RNF212B: variants seen among roughly 807,000 people sequenced by gnomAD.
The protein encoded by RNF212B is ring finger protein 212B.
In RNF212B, 52 loss-of-function variants were observed where a neutral mutation model predicts 55.5. The ratio of observed to expected loss-of-function variants is 0.94; its 90% CI spans 0.75 to 1.18. The LOEUF is 1.18. Among genes scored for constraint, RNF212B ranks in the 50% most tolerant of loss-of-function variants. The pLI is 0.00. For synonymous variants in RNF212B, 99 were observed against 121.4 expected (o/e 0.82, Z 1.21); for missense variants, 289 against 350.4 (o/e 0.82, Z 1.40).
chr14:23,230,977 T>C (rs185852778), intron 2 of RNF212B, among the ~76,000 whole-genome samples: 1 of 152,344 alleles, frequency 6.6e-6, no homozygotes. Flanking sequence ...TTGGTCTATA[T>C]ATGTCTATCC....
intron 4 of RNF212B, among the ~76,000 whole-genome samples, chr14:23,244,966 TAGA>T (rs1566425344): frequency 6.6e-6 from 1 of 152,312 alleles, no homozygotes; most frequent in South Asian, 2.1e-4. Context: ...AACAGGAATG[TAGA>T]AGAAGGTAGA....
rs1018181285 is a variant in RNF212B at position 23,262,523 on chromosome 14, T to C, written c.435-142T>C. ...ACTTTGCTTCCATATTTTAGGATGC[T>C]ACCTATAATACATGAGAGTAAGCAA... On this transcript the variant is annotated intron_variant, in intron 7 of 14. Coordinates refer to ENST00000430154, the MANE Select transcript of RNF212B (RefSeq NM_001282322.3). 3 of 687,440 alleles carry C rather than the reference T, an allele frequency of 4.4e-6. No homozygotes were observed. In the African/African-American group the frequency reaches 5.4e-5, roughly 12 times the overall value. 42.6% of individuals were successfully genotyped at this position (687,440 alleles called of 1,614,324 possible).
chr14:23,239,308 C>T (rs1406426019), intron 1 of RNF212B, among the ~76,000 whole-genome samples: 1 of 152,180 alleles, frequency 6.6e-6, no homozygotes, highest in African/African-American at 2.4e-5. Context: ...GATCCACCCA[C>T]CTCGGCCTCC....
At chr14:23,246,655 T>C (rs1884003075) in intron 4 of RNF212B, among the ~76,000 whole-genome samples, 1 of 152,132 alleles carries the variant, frequency 6.6e-6, no homozygotes, top group African/African-American at 2.4e-5. Flanking sequence ...CTCAAACTCC[T>C]GGCCTCAAGC....
rs981616498 is a variant in RNF212B at position 23,211,306 on chromosome 14, G to A, written c.-2+17905G>A. 2.6e-5 allele frequency among the ~76,000 whole-genome samples: 4 copies of A among 151,862 alleles called. No homozygotes were observed. In the South Asian group the frequency reaches 8.3e-4, roughly 32 times the overall value. On this transcript the variant is annotated intron_variant, in intron 2 of 15. Coordinates refer to the RNF212B transcript ENST00000399910. ...GAAAGACATAAACTACTAAAACACAGGCAAGATGAATAGATAACCTAAATA... is the reference window on the plus strand; with the variant it reads ...GAAAGACATAAACTACTAAAACACAAGCAAGATGAATAGATAACCTAAATA...
chr14:23,211,405 C>A (rs181608017), intron 2 of RNF212B, among the ~76,000 whole-genome samples: 2 of 152,186 alleles, frequency 1.3e-5, no homozygotes, highest in Admixed American at 1.3e-4. Flanking sequence ...GCTTAGATGG[C>A]TTCACTGGTA....
chr14:23,224,355 T>C (rs1452208301), intron 2 of RNF212B, among the ~76,000 whole-genome samples: 5 of 152,150 alleles, frequency 3.3e-5, no homozygotes, highest in African/African-American at 9.7e-5. Context: ...CAAATTATAC[T>C]GCAGAGCTAA....
At chr14:23,191,134 G>A (rs1156829463) in intron 1 of RNF212B, among the ~76,000 whole-genome samples, 3 of 152,038 alleles carry the variant, frequency 2.0e-5, no homozygotes, top group Non-Finnish European at 2.9e-5. Flanking sequence ...TGGGTGGATC[G>A]CCTGAGGTCA....
chr14:23,196,795 C>T (rs567386545), intron 2 of RNF212B, among the ~76,000 whole-genome samples: 5 of 152,260 alleles, frequency 3.3e-5, no homozygotes, highest in South Asian at 2.1e-4. Flanking sequence ...GGCTTCTCTT[C>T]GCCCTTAGCC....
intron 2 of RNF212B, among the ~76,000 whole-genome samples, chr14:23,232,766 C>T (rs1345029068): frequency 6.9e-6 from 1 of 145,670 alleles, no homozygotes; most frequent in Non-Finnish European, 1.5e-5. Context: ...CGGCCAGCCG[C>T]CCCGTCTGGG....
intron 7 of RNF212B, among the ~76,000 whole-genome samples, chr14:23,261,847 CCCAGCTGCT>C (rs749927744): frequency 7.7e-4 from 117 of 152,142 alleles, no homozygotes; most frequent in African/African-American, 2.3e-3. Context: ...CACCTGTAGT[CCCAGCTGCT>C]CGGGAGGCTG....
Position 23,268,928 on chromosome 14 carries a change from C to T in RNF212B, c.639C>T (p.Thr213=). The T allele has an allele frequency of 6.5e-7, 1 of 1,550,364 alleles. No individual in the cohort carries two copies. ...RRTPRDSYNE[T]PSPASTHSLS... The stretch of plus-strand genomic sequence containing the variant: ...GCTTATTTTTATGCTTTCCAGAAAC[C>T]CCTTCACCGGCTTCAACTCATAGCC... Residue 213 remains threonine, a synonymous_variant, in exon 12 of 15, where the codon ACC becomes ACT. Transcript: ENST00000430154.
At chr14:23,271,974 T>C (rs1886123005) in intron 14 of RNF212B, among the ~76,000 whole-genome samples, 1 of 152,216 alleles carries the variant, frequency 6.6e-6, no homozygotes, top group African/African-American at 2.4e-5. Flanking sequence ...AAAGTATTTA[T>C]GGATGGAAAG....
chr14:23,210,776 CA>C (rs1160221876), intron 2 of RNF212B, among the ~76,000 whole-genome samples: 9 of 60,846 alleles, frequency 1.5e-4, no homozygotes, highest in Admixed American at 8.4e-4. Flanking sequence ...GACTCTGTCT[CA>C]AAAAAAAAAA....
intron 2 of RNF212B, among the ~76,000 whole-genome samples, chr14:23,208,926 T>G (rs913845556): frequency 1.3e-5 from 2 of 150,970 alleles, no homozygotes; most frequent in South Asian, 2.1e-4. Context: ...GCCTGGCTAA[T>G]TTTTTGTATT....
chr14:23,267,480 G>A (rs1330183274), intron 11 of RNF212B, among the ~76,000 whole-genome samples: 2 of 151,528 alleles, frequency 1.3e-5, no homozygotes, highest in Non-Finnish European at 2.9e-5. Context: ...CTTGGCTAGA[G>A]TGCAGTGGCA....
At chr14:23,195,345 G>A (rs996529551) in intron 2 of RNF212B, among the ~76,000 whole-genome samples, 1 of 151,980 alleles carries the variant, frequency 6.6e-6, no homozygotes, top group Non-Finnish European at 1.5e-5. Flanking sequence ...AGAAAACATG[G>A]AAGATTTATA....
chr14:23,228,758 G>A (rs1180148350), intron 2 of RNF212B, among the ~76,000 whole-genome samples: 3 of 152,192 alleles, frequency 2.0e-5, no homozygotes. Flanking sequence ...GTAAGTGACA[G>A]TATGGTATTG....
intron 12 of RNF212B, among the ~76,000 whole-genome samples, chr14:23,269,394 A>G (rs1885916357): frequency 6.6e-6 from 1 of 152,208 alleles, no homozygotes; most frequent in Admixed American, 6.5e-5. Flanking sequence ...GTGCCTTATA[A>G]GCAAAAAAGA....
Sources: gnomAD v4.1 joint callset for allele counts (sites outside exome capture counted in the v4.1 genomes callset) on GRCh38, gnomAD v4.1.1 for gene constraint, MANE v1.5 for transcripts, NCBI Gene and HGNC (gene_info 2026-07-23, HGNC 2026-07-21) for gene names.